CYP4F12: variants seen among roughly 807,000 people sequenced by gnomAD.
CYP4F12 encodes cytochrome P450 family 4 subfamily F member 12.
CYP4F12 carries 60 observed loss-of-function variants against 56.5 expected under a neutral mutation model. The observed-to-expected ratio is 1.06, with a 90% CI of 0.86 to 1.32. CYP4F12 has a LOEUF of 1.32. CYP4F12 is among the 40% of genes most tolerant of loss of function. CYP4F12 has a pLI of 0.00. For synonymous variants in CYP4F12, 263 were observed against 264.9 expected (o/e 0.99, Z 0.07); for missense variants, 711 against 683.5 (o/e 1.04, Z -0.45).
At chr19:15,675,673 G>T (rs987140023) in intron 2 of CYP4F12, among the ~76,000 whole-genome samples, 1 of 152,174 alleles carries the variant, frequency 6.6e-6, no homozygotes, top group Non-Finnish European at 1.5e-5. Flanking sequence ...GGATCTTGGG[G>T]ACAGCTCCAA....
intron 8 of CYP4F12, 24 bp from the exon 9 acceptor site, chr19:15,685,044 C>A (rs183069916): frequency 5.0e-6 from 8 of 1,608,444 alleles, no homozygotes; most frequent in Non-Finnish European, 6.8e-6. Context: ...GTGCTGAAGC[C>A]AAGCTTACCT....
At chr19:15,680,654 C>A in intron 5 of CYP4F12, 135 bp downstream of exon 5, 1 of 1,166,456 alleles carries the variant, frequency 8.6e-7, no homozygotes, top group Non-Finnish European at 1.3e-6. Context: ...GTTTCCTCAT[C>A]TGTAAAATGG....
At position 15,680,267 on chromosome 19, in the gene CYP4F12, C is replaced by G. The variant is rs749548478; in HGVS notation, c.367C>G (p.Leu123Val). The G allele has an allele frequency of 6.2e-7, 1 of 1,609,370 alleles. No individual in the cohort carries two copies. The highest frequency in any genetic ancestry group is 1.7e-5 in the Admixed American group (1 of 59,810). ...ASAAIAPKDNLFIRFLKPWLG... is the reference protein window; with the variant it reads ...ASAAIAPKDNVFIRFLKPWLG... The stretch of plus-strand genomic sequence containing the variant: ...AGCTGCCATTGCACCCAAGGATAAT[C>G]TCTTCATCAGGTTCCTGAAGCCCTG... The change falls in exon 4 of 13, where the codon CTC becomes GTC. Residue 123 changes from leucine to valine, a missense_variant. Coordinates refer to ENST00000550308, the MANE Select transcript of CYP4F12 (RefSeq NM_023944.4).
At chr19:15,674,870 T>C (rs1192354779) in intron 2 of CYP4F12, among the ~76,000 whole-genome samples, 1 of 152,114 alleles carries the variant, frequency 6.6e-6, no homozygotes, top group Non-Finnish European at 1.5e-5. Flanking sequence ...GGTTGTGGGG[T>C]GCACAGAGCA....
chr19:15,682,479 T>C lies in CYP4F12; in HGVS notation c.616T>C (p.Cys206Arg). 6.2e-7 allele frequency: 1 copy of C among 1,613,838 alleles called. No individual in the cohort carries two copies. The highest frequency in any genetic ancestry group is 2.2e-5 in the East Asian group (1 of 44,876). Reference protein sequence around the residue: ...SLMTLDSLQKCIFSFDSHCQE... With the variant: ...SLMTLDSLQKRIFSFDSHCQE... ...CATGACCTTGGACAGTCTACAGAAATGCATCTTCAGCTTTGACAGCCATTG... is the reference window on the plus strand; with the variant it reads ...CATGACCTTGGACAGTCTACAGAAACGCATCTTCAGCTTTGACAGCCATTG... The change falls in exon 6 of 13, where the codon TGC becomes CGC. Residue 206 changes from cysteine to arginine, a missense_variant. Physicochemically the swap from Cys to Arg is radical, Grantham distance 180. Transcript: ENST00000550308.
chr19:15,683,667 G>A lies in CYP4F12; in HGVS notation c.822G>A (p.Arg274=), dbSNP rs201226271. 2.5e-6 allele frequency: 4 copies of A among 1,613,438 alleles called. No individual in the cohort carries two copies. Among genetic ancestry groups the A allele is most frequent in the Non-Finnish European group, 3.4e-6 (4 of 1,179,808 alleles). ...TCACAGACGCTGTCATCCGGGAGCG[G>A]CGTCGCACCCTCCCCACTCAGGGTA... ...HDFTDAVIRE[R]RRTLPTQGID... The change falls in exon 7 of 13, where the codon CGG becomes CGA. Residue 274 remains arginine (R), a synonymous_variant. Coordinates refer to ENST00000550308, the MANE Select transcript of CYP4F12 (RefSeq NM_023944.4).
At chr19:15,684,915 C>G in intron 8 of CYP4F12, 33 bp downstream of exon 8, 2 of 1,579,448 alleles carry the variant, frequency 1.3e-6, no homozygotes, top group Non-Finnish European at 1.7e-6. Context: ...ACAGTGGAGA[C>G]AGAGGTCCCT....
intron 9 of CYP4F12, among the ~76,000 whole-genome samples, chr19:15,691,677 T>C (rs774621372): frequency 1.3e-5 from 2 of 151,424 alleles, no homozygotes; most frequent in Non-Finnish European, 2.9e-5. Flanking sequence ...CTTATAAGAA[T>C]GTGTATCACA....
rs751728638 is a variant in CYP4F12 at position 15,673,654 on chromosome 19, A to T, written c.125A>T (p.Tyr42Phe). ...ARILAWTYAF[Y>F]NNCRRLQCFP... ...ATCCTGGCTTGGACCTATGCCTTCT[A>T]TAACAACTGCCGCCGGCTCCAGTGT... The change falls in exon 2 of 13, where the codon TAT becomes TTT. Residue 42 changes from tyrosine (Y) to phenylalanine (F), a missense_variant. Physicochemically the swap from Tyr to Phe is conservative, Grantham distance 22. Transcript: ENST00000550308. The T allele has an allele frequency of 6.2e-7, 1 of 1,614,094 alleles. No individual in the cohort carries two copies. The highest frequency in any genetic ancestry group is 1.1e-5 in the South Asian group (1 of 91,078).
intron 7 of CYP4F12, 40 bp from the exon 8 acceptor site, chr19:15,684,756 TTGTGTGTGTGTGTGTGTGTG>T (rs3063212): frequency 1.7e-5 from 18 of 1,044,560 alleles, no homozygotes; most frequent in African/African-American, 6.7e-5. Context: ...ATAGTATAAT[TTGTGTGTGTGTGTGTGTGTG>T]TGTGTGTGTG....
In CYP4F12 at chr19:15,695,996, TC is replaced by T. The variant is rs1568427235; in HGVS notation, c.1181del (p.Pro394GlnfsTer32). 3 of 1,613,712 alleles carry T rather than the reference TC, an allele frequency of 1.9e-6. No individual in the cohort carries two copies. Among genetic ancestry groups the T allele is most frequent in the Non-Finnish European group, 2.5e-6 (3 of 1,179,920 alleles). ...MCVKESLRLH[P>X]PAPFISRCCT... ...GCGTGAAGGAGAGCCTGAGGTTACA[TC>T]CCCCAGCTCCCTTCATCTCCCGATG... On this transcript the variant is annotated frameshift_variant, in exon 10 of 13. Coordinates refer to ENST00000550308, the MANE Select transcript of CYP4F12 (RefSeq NM_023944.4). LOFTEE classifies it high-confidence loss of function.
intron 7 of CYP4F12, 21 bp from the exon 8 acceptor site, chr19:15,684,795 T>C: frequency 1.3e-6 from 2 of 1,556,066 alleles, no homozygotes; most frequent in Non-Finnish European, 1.8e-6. Context: ...TGTGTGTGTG[T>C]GTGTCTTGCT....
At chr19:15,686,337 G>A (rs944201940) in intron 9 of CYP4F12, among the ~76,000 whole-genome samples, 2 of 152,172 alleles carry the variant, frequency 1.3e-5, no homozygotes, top group Non-Finnish European at 2.9e-5. Context: ...ACCCTGAATG[G>A]TGATCAGTAG....
rs763995743 is a variant in CYP4F12, at chr19:15,696,177, C to T, written c.1266C>T (p.Ile422=). The change falls in exon 11 of 13, where the codon ATC becomes ATT. Residue 422 remains isoleucine (I), a synonymous_variant. Transcript: ENST00000550308. ...RVIPKGITCL[I]DIIGVHHNPT... ...CTCCCACAGGCATTACCTGCCTCAT[C>T]GATATTATAGGGGTCCATCACAACC... 8.7e-6 allele frequency: 14 copies of T among 1,614,054 alleles called. No homozygotes were observed. Among genetic ancestry groups the T allele is most frequent in the South Asian group, 2.2e-5 (2 of 91,076 alleles).
At chr19:15,696,384 G>C (rs1484730268) in intron 11 of CYP4F12, 46 bp from the exon 12 acceptor site, 1 of 1,613,396 alleles carries the variant, frequency 6.2e-7, no homozygotes, top group East Asian at 2.2e-5. Context: ...CAAGGCTGCT[G>C]GACATAGGAA....
intron 9 of CYP4F12, among the ~76,000 whole-genome samples, chr19:15,694,923 C>A (rs2008048790): frequency 6.6e-6 from 1 of 152,160 alleles, no homozygotes; most frequent in African/African-American, 2.4e-5. Context: ...ACTAGTTCAA[C>A]CATGGTGGAA....
At chr19:15,679,767 G>A (rs977800281) in intron 3 of CYP4F12, among the ~76,000 whole-genome samples, 1 of 152,290 alleles carries the variant, frequency 6.6e-6, no homozygotes, top group South Asian at 2.1e-4. Context: ...TTCTAATCAC[G>A]CTTGAAGAAA....
chr19:15,692,828 C>T (rs772068670), intron 9 of CYP4F12, among the ~76,000 whole-genome samples: 2 of 152,048 alleles, frequency 1.3e-5, no homozygotes, highest in African/African-American at 2.4e-5. Flanking sequence ...AATCCCAGTA[C>T]TTTGTGAGGC....
chr19:15,689,989 A>G (rs1474098321), intron 9 of CYP4F12, among the ~76,000 whole-genome samples: 1 of 152,174 alleles, frequency 6.6e-6, no homozygotes, highest in East Asian at 1.9e-4. Context: ...AAAAGACTGC[A>G]TATTGGGGAC....
Sources: gnomAD v4.1 joint callset for allele counts (sites outside exome capture counted in the v4.1 genomes callset) on GRCh38, gnomAD v4.1.1 for gene constraint, MANE v1.5 for transcripts, NCBI Gene and HGNC (gene_info 2026-07-23, HGNC 2026-07-21) for gene names.